The following IL31RA variants were observed in gnomAD, a reference collection of about 807,000 sequenced individuals.
IL31RA encodes interleukin-31 receptor subunit alpha.
A neutral mutation model predicts 83.7 loss-of-function variants in IL31RA; 66 were observed. The ratio of observed to expected loss-of-function variants is 0.79; its 90% CI spans 0.65 to 0.97. IL31RA has a LOEUF of 0.97. IL31RA is among the 50% of genes least tolerant of loss of function. IL31RA has a pLI of 0.00. For missense variants in IL31RA, 798 were observed against 919.4 expected (o/e 0.87, Z 1.71); for synonymous variants, 325 against 329.0 (o/e 0.99, Z 0.13).
the IL31RA span, chr5:55,839,801 T>C: frequency 2.6e-6 from 2 of 767,228 alleles, no homozygotes; most frequent in South Asian, 1.4e-5. Context: ...TCCCATAGTT[T>C]CTCTGTCCTT....
At chr5:55,914,972 G>A (rs1749705741) in intron 14 of IL31RA, 44 bp downstream of exon 14, 2 of 1,413,218 alleles carry the variant, frequency 1.4e-6, no homozygotes, top group Non-Finnish European at 2.0e-6. Context: ...GCCGTGGGAG[G>A]TAGACGAGGT....
At position 55,922,007 on chromosome 5, in the gene IL31RA, A is replaced by T. The variant is rs933969495; in HGVS notation, c.*4887A>T. ...GTTGATTATTGACAAGCCTACTTGT[A>T]ATCAAAATGTGTAGTGTGGTCAGTG... On this transcript the variant is annotated 3_prime_UTR_variant, in exon 15 of 15. Transcript: ENST00000652347. Among the ~76,000 whole-genome samples the T allele has an allele frequency of 1.4e-5, 2 of 146,720 alleles. No homozygotes were observed. The highest frequency in any genetic ancestry group is 1.5e-5 in the Non-Finnish European group (1 of 67,144).
rs1749280766 is a variant in IL31RA, at chr5:55,908,317, C to T, written c.1407C>T (p.Val469=). 1 of 1,614,014 alleles carries T rather than the reference C, an allele frequency of 6.2e-7. No individual in the cohort carries two copies. Among genetic ancestry groups the T allele is most frequent in the African/African-American group, 1.3e-5 (1 of 74,910 alleles). Residue 469 remains valine (V), a synonymous_variant, in exon 11 of 15, where the codon GTC becomes GTT. Transcript: ENST00000652347. The part of the protein sequence containing the change: ...TKVENIGVKT[V]TITWKEIPKS... ...TGGAGAACATTGGCGTGAAGACGGT[C>T]ACGATCACATGGAAAGAGATTCCCA...
At chr5:55,872,691 T>C (rs1175336418) in intron 4 of IL31RA, among the ~76,000 whole-genome samples, 1 of 152,036 alleles carries the variant, frequency 6.6e-6, no homozygotes, top group Non-Finnish European at 1.5e-5. Context: ...AAACAAAAGC[T>C]ATTTTGTGGG....
chr5:55,854,559 A>G (rs570009133), intron 1 of IL31RA, among the ~76,000 whole-genome samples: 48 of 152,242 alleles, frequency 3.2e-4, no homozygotes, highest in African/African-American at 1.1e-3. Flanking sequence ...AGCCTGGCCA[A>G]CATGGCGAAA....
intron 4 of IL31RA, among the ~76,000 whole-genome samples, chr5:55,875,499 T>A (rs909140705): frequency 6.6e-6 from 1 of 152,134 alleles, no homozygotes; most frequent in Non-Finnish European, 1.5e-5. Context: ...GCTTTCTTTG[T>A]GGGAAGTTTT....
intron 4 of IL31RA, among the ~76,000 whole-genome samples, chr5:55,881,812 G>A (rs898335572): frequency 1.5e-5 from 2 of 133,184 alleles, no homozygotes; most frequent in Non-Finnish European, 3.1e-5. Flanking sequence ...TCTGCCTACT[G>A]GGTTCAAGTG....
In IL31RA at chr5:55,917,336, A is replaced by C; in HGVS notation, c.*216A>C. 1 of 1,431,048 alleles carries C rather than the reference A, an allele frequency of 7.0e-7. No homozygotes were observed. The highest frequency in any genetic ancestry group is 9.1e-7 in the Non-Finnish European group (1 of 1,095,856). 88.6% of individuals were successfully genotyped at this position (1,431,048 alleles called of 1,614,324 possible). A position where few individuals can be genotyped will look rare whatever the true frequency, so the allele number is the denominator to read the frequency against. ...GTGATAAGCCCGAGTTTTGTAAAGG[A>C]ACAGCAGTCTCTTTTCGTTTGTTCA... On this transcript the variant is annotated 3_prime_UTR_variant, in exon 15 of 15. Coordinates refer to ENST00000652347, the MANE Select transcript of IL31RA (RefSeq NM_139017.7).
chr5:55,862,791 G>A (rs1454785733), intron 2 of IL31RA, among the ~76,000 whole-genome samples: 1 of 152,180 alleles, frequency 6.6e-6, no homozygotes, highest in Non-Finnish European at 1.5e-5. Flanking sequence ...CTGCCGGTCT[G>A]TTACAGGTCC....
Position 55,917,067 on chromosome 5 carries a change from A to G in IL31RA, c.2242A>G (p.Arg748Gly). 1 of 1,614,230 alleles carries G rather than the reference A, an allele frequency of 6.2e-7. No homozygotes were observed. The highest frequency in any genetic ancestry group is 8.5e-7 in the Non-Finnish European group (1 of 1,180,040). ...NPYLKNSVTA[R>G]EFLVSEKLPE... ...ATATTTGAAAAATTCAGTGACAGCC[A>G]GGGAATTTCTTGTGTCTGAAAAACT... Residue 748 changes from arginine (R) to glycine (G), a missense_variant, in exon 15 of 15, where the codon AGG (arginine) becomes GGG (glycine). Arg to Gly is a moderately radical substitution (Grantham distance 125, BLOSUM62 -2). Transcript: ENST00000652347.
Position 55,851,549 on chromosome 5 carries a change from G to A in IL31RA, c.-22G>A, listed in dbSNP as rs1446192601. 6.2e-7 allele frequency: 1 copy of A among 1,614,016 alleles called. No homozygotes were observed. Among genetic ancestry groups the A allele is most frequent in the East Asian group, 2.2e-5 (1 of 44,878 alleles). Reference sequence around the variant, plus strand: ...ATTGAGACAGGAAGGCAGAGTGTCAGCTTGTTCCACCTCAGCTGGGAATGT... The same window carrying A: ...ATTGAGACAGGAAGGCAGAGTGTCAACTTGTTCCACCTCAGCTGGGAATGT... On this transcript the variant is annotated 5_prime_UTR_variant, in exon 1 of 15. Coordinates refer to ENST00000652347, the MANE Select transcript of IL31RA (RefSeq NM_139017.7).
Position 55,896,998 on chromosome 5 carries a change from A to AAAAAAAAAAAAAAAAAAT in IL31RA, c.852+572_852+573insAAAAAAAAAAAAAATAAA, listed in dbSNP as rs1554017676. 8.8e-3 allele frequency among the ~76,000 whole-genome samples: 2 copies of AAAAAAAAAAAAAAAAAAT among 226 alleles called. 1 individual carries two copies. Among genetic ancestry groups the AAAAAAAAAAAAAAAAAAT allele is most frequent in the Non-Finnish European group, 0.036 (2 of 56 alleles). 0.1% of individuals were successfully genotyped at this position (226 alleles called of 152,430 possible). ...CACCCAGCTAATTAAAAAAAAAAAA[A>AAAAAAAAAAAAAAAAAAT]AAATATATATATATATATTTTTTTT... On this transcript the variant is annotated intron_variant, in intron 7 of 14. Transcript: ENST00000652347.
intron 2 of IL31RA, among the ~76,000 whole-genome samples, chr5:55,867,139 G>GTGTGTGCA (rs371523663): frequency 0.27 from 13,875 of 51,112 alleles, 1,530 homozygotes; most frequent in Middle Eastern, 0.41. Context: ...GTGTGTGCAT[G>GTGTGTGCA]TGTGTGTGCA....
At chr5:55,847,243 AAAAATAAATAAATAAATAAAT>A (rs1464164187), upstream of IL31RA, among the ~76,000 whole-genome samples, 9 of 19,640 alleles carry the variant, frequency 4.6e-4, no homozygotes, top group African/African-American at 9.3e-4. Context: ...AAAAAAAAAT[AAAAATAAATAAATAAATAAAT>A]AAATAAATAA....
chr5:55,861,285 A>C (rs1745667243), intron 2 of IL31RA, among the ~76,000 whole-genome samples: 1 of 152,122 alleles, frequency 6.6e-6, no homozygotes, highest in Non-Finnish European at 1.5e-5. Flanking sequence ...AGCTTGATAG[A>C]CCAGGGGTCC....
chr5:55,885,961 A>T (rs572779403), intron 5 of IL31RA, among the ~76,000 whole-genome samples: 1 of 152,256 alleles, frequency 6.6e-6, no homozygotes, highest in African/African-American at 2.4e-5. Flanking sequence ...GGCTGAGTGC[A>T]GAGTTACTAC....
intron 2 of IL31RA, among the ~76,000 whole-genome samples, chr5:55,861,036 C>T (rs930074203): frequency 2.6e-5 from 4 of 152,086 alleles, no homozygotes; most frequent in African/African-American, 9.7e-5. Flanking sequence ...TCATAATGGT[C>T]CCATTTTAAC....
chr5:55,856,928 G>A (rs1745397121), intron 1 of IL31RA, among the ~76,000 whole-genome samples: 1 of 152,078 alleles, frequency 6.6e-6, no homozygotes, highest in African/African-American at 2.4e-5. Context: ...TGATAATGAA[G>A]GTTTTCCAAA....
At chr5:55,899,002 C>T (rs1404188293) in intron 7 of IL31RA, among the ~76,000 whole-genome samples, 1 of 151,730 alleles carries the variant, frequency 6.6e-6, no homozygotes, top group African/African-American at 2.4e-5. Flanking sequence ...CCAGCCTGGG[C>T]GACAGAGAGA....
Sources: gnomAD v4.1 joint callset for allele counts (sites outside exome capture counted in the v4.1 genomes callset) on GRCh38, gnomAD v4.1.1 for gene constraint, MANE v1.5 for transcripts, NCBI Gene and HGNC (gene_info 2026-07-23, HGNC 2026-07-21) for gene names.